Variants in FREM3 observed in about 807,000 individuals in gnomAD.
FREM3 encodes the protein FRAS1 related extracellular matrix 3, also known as FRAS1-related extracellular matrix protein 3.
Under a neutral mutation model 129.1 loss-of-function variants are expected in FREM3, and 105 were observed. The ratio of observed to expected loss-of-function variants is 0.81; its 90% CI spans 0.69 to 0.96. The LOEUF (loss-of-function observed/expected upper bound fraction) is 0.96, where lower values mean the gene tolerates loss of function less well. Among genes scored for constraint, FREM3 ranks in the 40% least tolerant of loss-of-function variants. The pLI, the probability that FREM3 is intolerant of heterozygous loss-of-function variation, is 0.00. For missense variants in FREM3, 2,593 were observed against 2,666.3 expected (o/e 0.97, Z 0.61); for synonymous variants, 1,014 against 1,044.9 (o/e 0.97, Z 0.57).
chr4:143,579,065 A>C (rs913975120), intron 7 of FREM3, among the ~76,000 whole-genome samples: 2 of 151,754 alleles, frequency 1.3e-5, no homozygotes, highest in African/African-American at 4.8e-5. Context: ...GAGTTGACAA[A>C]AAAAAAAAAA....
chr4:143,636,353 A>AG (rs1739233937), intron 2 of FREM3, among the ~76,000 whole-genome samples: 1 of 144,000 alleles, frequency 6.9e-6, no homozygotes, highest in Non-Finnish European at 1.5e-5. Context: ...AAAAAAAAAA[A>AG]GACATGGAGA....
At chr4:143,673,641 C>G (rs1017423166) in intron 2 of FREM3, among the ~76,000 whole-genome samples, 2 of 152,244 alleles carry the variant, frequency 1.3e-5, no homozygotes, top group African/African-American at 4.8e-5. Context: ...ACATTTAAGT[C>G]TGCAGAGGTT....
chr4:143,634,595 A>G (rs964429234), intron 2 of FREM3, among the ~76,000 whole-genome samples: 7 of 152,074 alleles, frequency 4.6e-5, no homozygotes, highest in African/African-American at 1.7e-4. Context: ...CTTCGTCTTC[A>G]TGACACATCC....
intron 7 of FREM3, among the ~76,000 whole-genome samples, chr4:143,578,667 A>G (rs1738081773): frequency 6.6e-6 from 1 of 152,246 alleles, no homozygotes; most frequent in Non-Finnish European, 1.5e-5. Flanking sequence ...GGATAGTATC[A>G]TCTTTGTGAT....
At chr4:143,640,357 AAAG>A (rs1739302345) in intron 2 of FREM3, among the ~76,000 whole-genome samples, 2 of 152,344 alleles carry the variant, frequency 1.3e-5, no homozygotes, top group African/African-American at 4.8e-5. Context: ...ATGTAGACTC[AAAG>A]AAGAATAGAA....
intron 2 of FREM3, among the ~76,000 whole-genome samples, chr4:143,666,973 A>G (rs887180493): frequency 2.6e-5 from 4 of 152,180 alleles, no homozygotes; most frequent in African/African-American, 9.6e-5. Flanking sequence ...TATATGAATT[A>G]TATCTCAAGA....
At chr4:143,685,377 A>G (rs1740341526) in intron 2 of FREM3, among the ~76,000 whole-genome samples, 1 of 152,290 alleles carries the variant, frequency 6.6e-6, no homozygotes, top group East Asian at 1.9e-4. Flanking sequence ...ATCAGCCAAG[A>G]ATTTTGTATC....
chr4:143,618,124 C>A (rs1738882480), intron 5 of FREM3, among the ~76,000 whole-genome samples: 1 of 152,088 alleles, frequency 6.6e-6, no homozygotes, highest in Admixed American at 6.5e-5. Flanking sequence ...AGCTATGCTG[C>A]AGAAGGACCA....
At chr4:143,596,671 A>G (rs1738488862) in intron 6 of FREM3, among the ~76,000 whole-genome samples, 1 of 152,196 alleles carries the variant, frequency 6.6e-6, no homozygotes, top group Admixed American at 6.5e-5. Context: ...ACAGTGGTTC[A>G]TGCCTGTAAT....
At position 143,624,349 on chromosome 4, in the gene FREM3, A is replaced by G. The variant is rs1050978815; in HGVS notation, c.5423-11T>C. On this transcript the variant is annotated splice_polypyrimidine_tract_variant and intron_variant, in intron 3 of 7. Transcript: ENST00000329798. Reference sequence around the variant, plus strand: ...CTTTGGTACCAATGCCTGAATAAAAATCAGAAAACTATAAATATAAAGCCA... The same window carrying G: ...CTTTGGTACCAATGCCTGAATAAAAGTCAGAAAACTATAAATATAAAGCCA... The G allele has an allele frequency of 1.3e-6, 2 of 1,482,870 alleles. No homozygotes were observed. Among genetic ancestry groups the G allele is most frequent in the Non-Finnish European group, 9.1e-7 (1 of 1,098,560 alleles). The allele number at this position is 1,482,870 out of a possible 1,614,324, so 91.9% of individuals were successfully genotyped here.
intron 6 of FREM3, among the ~76,000 whole-genome samples, chr4:143,602,556 C>T (rs1258682303): frequency 2.0e-5 from 3 of 152,072 alleles, no homozygotes; most frequent in Non-Finnish European, 4.4e-5. Flanking sequence ...GAGGAAGTCA[C>T]ACCTCAGAAT....
rs1443229087 is a variant in FREM3 at position 143,585,997 on chromosome 4, A to G, written c.6029-4T>C. 1 of 1,537,418 alleles carries G rather than the reference A, an allele frequency of 6.5e-7. No individual in the cohort carries two copies. The highest frequency in any genetic ancestry group is 1.4e-5 in the African/African-American group (1 of 73,038). ...TCCCCAAAGTGCAGGACAGGTTCTA[A>G]AGAGGCAAAAAAAGATACACTAAGA... On this transcript the variant is annotated splice_region_variant and splice_polypyrimidine_tract_variant and intron_variant, in intron 6 of 7. Coordinates refer to ENST00000329798, the MANE Select transcript of FREM3 (RefSeq NM_001168235.2). The surrounding 1 kb of genome is among the most constrained non-coding windows in gnomAD (Gnocchi z 4.2).
At chr4:143,595,086 A>G (rs1456584491) in intron 6 of FREM3, among the ~76,000 whole-genome samples, 4 of 152,258 alleles carry the variant, frequency 2.6e-5, no homozygotes, top group Non-Finnish European at 5.9e-5. Context: ...ATTATCATTT[A>G]AAATGAGTTC....
At chr4:143,617,050 G>T (rs1738864324) in intron 5 of FREM3, among the ~76,000 whole-genome samples, 1 of 152,292 alleles carries the variant, frequency 6.6e-6, no homozygotes, top group South Asian at 2.1e-4. Flanking sequence ...CTATTCATTG[G>T]CTGTTCCTCC....
chr4:143,586,379 G>C (rs946330757), intron 6 of FREM3, among the ~76,000 whole-genome samples: 12 of 152,138 alleles, frequency 7.9e-5, no homozygotes, highest in Non-Finnish European at 1.5e-5. Context: ...TTTTGGCAGG[G>C]AGAAAATTGC....
chr4:143,595,824 C>G (rs1478257847), intron 6 of FREM3, among the ~76,000 whole-genome samples: 1 of 142,548 alleles, frequency 7.0e-6, no homozygotes, highest in Non-Finnish European at 1.5e-5. Flanking sequence ...GGAGGCAGAG[C>G]TTGCAGTGAG....
chr4:143,580,983 G>T (rs1578818631), intron 7 of FREM3, among the ~76,000 whole-genome samples: 1 of 152,290 alleles, frequency 6.6e-6, no homozygotes, highest in East Asian at 1.9e-4. Flanking sequence ...TAGCAGCTCC[G>T]CACTTCCTTG....
At chr4:143,663,842 C>T (rs1049716750) in intron 2 of FREM3, among the ~76,000 whole-genome samples, 19 of 152,102 alleles carry the variant, frequency 1.2e-4, no homozygotes, top group African/African-American at 4.6e-4. Context: ...ATTTCATCTT[C>T]CATCACTGAT....
Position 143,700,079 on chromosome 4 carries a change from C to A in FREM3, c.597G>T (p.Lys199Asn). 6.5e-7 allele frequency: 1 copy of A among 1,531,876 alleles called. No individual in the cohort carries two copies. Among genetic ancestry groups the A allele is most frequent in the Non-Finnish European group, 8.7e-7 (1 of 1,142,898 alleles). 94.9% of individuals were successfully genotyped at this position (1,531,876 alleles called of 1,614,324 possible). Residue 199 changes from lysine (K) to asparagine (N), a missense_variant, in exon 1 of 8, where the codon AAG (lysine) becomes AAT (asparagine). Physicochemically the swap from Lys to Asn is moderately conservative, Grantham distance 94. Transcript: ENST00000329798. ...ACCTGCGGGTGGCCGTGGCTCCAGA[C>A]TTCAGGGAGGCGAAGTCCAGCACTC... ...DRRVLDFASL[K>N]SGATATRRCR...
Sources: allele counts gnomAD v4.1 joint callset (sites outside exome capture counted in the v4.1 genomes callset), GRCh38; gene constraint gnomAD v4.1.1; non-coding constraint Gnocchi (gnomAD v3.1); transcripts MANE v1.5; gene names NCBI Gene and HGNC (gene_info 2026-07-23, HGNC 2026-07-21).